The following BCAP31 variants were observed in gnomAD, a reference collection of about 807,000 sequenced individuals.
The protein encoded by BCAP31 is B cell receptor associated protein 31, also known as B-cell receptor-associated protein 31.
For synonymous variants in BCAP31, 75 were observed against 80.9 expected (o/e 0.93, Z 0.39); for missense variants, 124 against 193.0 (o/e 0.64, Z 2.12).
At chrX:153,702,788 C>T (rs1439093134) in intron 6 of BCAP31, 147 bp downstream of exon 6, 7 of 867,405 alleles carry the variant, frequency 8.1e-6, no homozygotes, top group Non-Finnish European at 9.6e-6. Flanking sequence ...GGGTTGGAGG[C>T]GCAGGGTGCT....
At chrX:153,714,221 G>A (rs782058638) in intron 4 of BCAP31, among the ~76,000 whole-genome samples, 4 of 108,470 alleles carry the variant, frequency 3.7e-5, no homozygotes, top group African/African-American at 1.3e-4. Flanking sequence ...TGCTTTTCTG[G>A]TAGATGGCCT....
At chrX:153,723,938 A>C in intron 1 of BCAP31, 2 of 477,371 alleles carry the variant, frequency 4.2e-6, no homozygotes, top group Non-Finnish European at 7.6e-6. Context: ...GCGCAAAGGC[A>C]GGTCTCGACC....
intron 4 of BCAP31, among the ~76,000 whole-genome samples, chrX:153,706,632 A>G (rs2091556693): frequency 8.9e-6 from 1 of 111,995 alleles, no homozygotes; most frequent in South Asian, 3.7e-4. Flanking sequence ...TGTGGCCCAG[A>G]CTCATACCTA....
intron 4 of BCAP31, among the ~76,000 whole-genome samples, chrX:153,705,881 G>T (rs1351575207): frequency 6.2e-5 from 7 of 112,313 alleles, no homozygotes; most frequent in Non-Finnish European, 1.3e-4. Flanking sequence ...GCGGCTGCTG[G>T]TGAGTGCCCA....
Position 153,700,825 on chromosome X carries a change from G to C in BCAP31, c.*112C>G. ...GAGCTATGAGCTGTGGAAGGGAATG[G>C]GGGAAGCAGAAGGGCACAAACAGAA... On this transcript the variant is annotated 3_prime_UTR_variant, in exon 8 of 8. Transcript: ENST00000345046. 1.3e-6 allele frequency: 1 copy of C among 756,844 alleles called. No individual in the cohort carries two copies. Among genetic ancestry groups the C allele is most frequent in the Non-Finnish European group, 2.0e-6 (1 of 503,262 alleles). 62.4% of individuals were successfully genotyped at this position (756,844 alleles called of 1,213,427 possible). A position where few individuals can be genotyped will look rare whatever the true frequency, so the allele number is the denominator to read the frequency against.
intron 4 of BCAP31, chrX:153,705,476 G>A (rs2091548129): frequency 8.9e-6 from 1 of 112,861 alleles, no homozygotes; most frequent in Admixed American, 9.3e-5. Flanking sequence ...AGTGACATGT[G>A]CTTTCTAAAA....
chrX:153,714,344 C>T (rs2091612508), intron 4 of BCAP31, among the ~76,000 whole-genome samples: 1 of 110,882 alleles, frequency 9.0e-6, no homozygotes, highest in South Asian at 3.8e-4. Flanking sequence ...CTTTCAGCCT[C>T]AGACCACAAG....
At chrX:153,724,134 C>T (rs1557051786) in intron 1 of BCAP31, 200 bp downstream of exon 1, 1 of 260,352 alleles carries the variant, frequency 3.8e-6, no homozygotes. Context: ...CTTCACCGCC[C>T]CCCGCCCCGC....
At chrX:153,703,284 G>A (rs1270835874) in intron 5 of BCAP31, among the ~76,000 whole-genome samples, 6 of 113,460 alleles carry the variant, frequency 5.3e-5, no homozygotes, top group Non-Finnish European at 9.4e-5. Flanking sequence ...ACCTGCTGCA[G>A]CTCGCCGGGC....
chrX:153,705,240 G>A (rs377584600), intron 4 of BCAP31: 3 of 113,385 alleles, frequency 2.6e-5, no homozygotes, highest in Admixed American at 1.8e-4. Context: ...CAGCCCGGAA[G>A]GGCTGGAGAA....
intron 4 of BCAP31, among the ~76,000 whole-genome samples, chrX:153,712,140 G>A (rs1350765021): frequency 4.0e-4 from 44 of 110,711 alleles, no homozygotes; most frequent in Non-Finnish European, 7.4e-4. Flanking sequence ...ACGCTGGAGA[G>A]GCCAGGCACA....
At chrX:153,702,583 G>A (rs782059762) in intron 6 of BCAP31, 5 of 190,199 alleles carry the variant, frequency 2.6e-5, no homozygotes, top group Non-Finnish European at 3.8e-5. Context: ...CCTCCTGAAC[G>A]CCACTCCCAC....
chrX:153,703,209 C>G, intron 5 of BCAP31, 151 bp from the exon 6 acceptor site: 1 of 890,847 alleles, frequency 1.1e-6, no homozygotes, highest in Non-Finnish European at 1.6e-6. Flanking sequence ...CCACTTGCTC[C>G]CAGCTCCTAG....
rs1557051720 is a variant in BCAP31 at position 153,723,977 on chromosome X, G to T, written c.-45+357C>A. On this transcript the variant is annotated intron_variant, in intron 1 of 7. Coordinates refer to ENST00000345046, the MANE Select transcript of BCAP31 (RefSeq NM_001256447.2). ...CACCTCAAGGCCCCATACGGAGAAA[G>T]TTCTAGACGCAGTATCCTCAGAAGC... 6 of 419,117 alleles carry T rather than the reference G, an allele frequency of 1.4e-5. No homozygotes were observed. The East Asian group carries it at 3.2e-4, about 23-fold the overall frequency. The allele number at this position is 419,117 out of a possible 1,213,427, so 34.5% of individuals were successfully genotyped here.
Position 153,714,578 on chromosome X carries a change from G to A in BCAP31, c.341+964C>T, listed in dbSNP as rs2091614066. 2.7e-5 allele frequency among the ~76,000 whole-genome samples: 3 copies of A among 110,959 alleles called. No homozygotes were observed. The South Asian group carries it at 1.2e-3, about 43-fold the overall frequency. On this transcript the variant is annotated intron_variant, in intron 4 of 7. Coordinates refer to ENST00000345046, the MANE Select transcript of BCAP31 (RefSeq NM_001256447.2). ...TAAACAACAGATTTTAAGACAAGTA[G>A]TCATCGTAGCGCCTAGTAAAGCAGG...
intron 3 of BCAP31, among the ~76,000 whole-genome samples, chrX:153,718,559 CT>C (rs781929769): frequency 7.4e-4 from 83 of 111,804 alleles, no homozygotes; most frequent in African/African-American, 2.5e-3. Flanking sequence ...CAAAACCCCT[CT>C]GGAAATGCAC....
chrX:153,713,115 G>A (rs781955787), intron 4 of BCAP31, among the ~76,000 whole-genome samples: 10 of 111,477 alleles, frequency 9.0e-5, no homozygotes, highest in Admixed American at 2.8e-4. Context: ...GCTGAGACAG[G>A]AGAATGGCGT....
intron 2 of BCAP31, among the ~76,000 whole-genome samples, chrX:153,722,514 C>T (rs1389735729): frequency 2.7e-5 from 3 of 112,144 alleles, no homozygotes; most frequent in African/African-American, 9.7e-5. Context: ...GCACTGCATA[C>T]TTTCTATGGT....
intron 3 of BCAP31, among the ~76,000 whole-genome samples, chrX:153,717,916 G>A (rs2091640112): frequency 8.9e-6 from 1 of 112,546 alleles, no homozygotes; most frequent in African/African-American, 3.2e-5. Context: ...TCCCACAGAA[G>A]TATTTGCATA....
Sources: allele counts gnomAD v4.1 joint callset (sites outside exome capture counted in the v4.1 genomes callset), GRCh38; gene constraint gnomAD v4.1.1; transcripts MANE v1.5; gene names NCBI Gene and HGNC (gene_info 2026-07-23, HGNC 2026-07-21).